Variants in MYOCD observed in about 807,000 individuals in gnomAD.
MYOCD encodes the protein myocardin.
MYOCD carries 32 observed loss-of-function variants against 96.1 expected under a neutral mutation model. That is an observed-to-expected ratio of 0.33 (90% CI 0.25 to 0.45). The LOEUF (loss-of-function observed/expected upper bound fraction) is 0.45, where lower values mean the gene tolerates loss of function less well. Among genes scored for constraint, MYOCD ranks in the 20% least tolerant of loss-of-function variants. The pLI is 1.00. For synonymous variants in MYOCD, 469 were observed against 469.0 expected (o/e 1.00, Z 0.00); for missense variants, 1,133 against 1,200.6 (o/e 0.94, Z 0.83).
At chr17:12,679,566 A>T (rs899133082) in intron 1 of MYOCD, among the ~76,000 whole-genome samples, 7 of 152,220 alleles carry the variant, frequency 4.6e-5, no homozygotes, top group African/African-American at 1.7e-4. Flanking sequence ...ATATATGTAT[A>T]TGCATATGTT....
intron 2 of MYOCD, chr17:12,705,880 T>C (rs1035125416): frequency 3.9e-5 from 6 of 152,226 alleles, no homozygotes; most frequent in African/African-American, 1.4e-4. Context: ...AGATCTATAA[T>C]GACTTGTGCA....
intron 9 of MYOCD, among the ~76,000 whole-genome samples, chr17:12,749,534 T>TTACA (rs1555535095): frequency 2.7e-4 from 39 of 144,844 alleles, no homozygotes; most frequent in Non-Finnish European, 5.3e-4. Context: ...GTCTCAAAAC[T>TTACA]TATATATATA....
rs531908310 is a variant in MYOCD at position 12,765,790 on chromosome 17, G to A, written c.*2146G>A. 6.6e-6 allele frequency: 1 copy of A among 152,278 alleles called. No individual in the cohort carries two copies. Among genetic ancestry groups the A allele is most frequent in the South Asian group, 2.1e-4 (1 of 4,830 alleles). 9.4% of individuals were successfully genotyped at this position (152,278 alleles called of 1,614,324 possible). A position where few individuals can be genotyped will look rare whatever the true frequency, so the allele number is the denominator to read the frequency against. Reference sequence around the variant, plus strand: ...GCTTATCGTGAACAAGCTCATCTTGGCAATGAATATGGATGTGAAAAGACA... The same window carrying A: ...GCTTATCGTGAACAAGCTCATCTTGACAATGAATATGGATGTGAAAAGACA... On this transcript the variant is annotated 3_prime_UTR_variant, in exon 14 of 14. Transcript: ENST00000425538.
chr17:12,752,381 A>G, intron 9 of MYOCD, 33 bp from the exon 10 acceptor site: 1 of 1,543,890 alleles, frequency 6.5e-7, no homozygotes, highest in Non-Finnish European at 8.8e-7. Flanking sequence ...ATTGTCGTTA[A>G]ACAGCACACT....
intron 9 of MYOCD, among the ~76,000 whole-genome samples, chr17:12,750,715 G>A (rs555889345): frequency 3.3e-5 from 5 of 149,794 alleles, no homozygotes; most frequent in South Asian, 2.2e-4. Flanking sequence ...AATTTTTGCC[G>A]CTACTTAACT....
Position 12,763,325 on chromosome 17 carries a change from C to G in MYOCD, c.2642C>G (p.Pro881Arg), listed in dbSNP as rs867649442. Reference sequence around the variant, plus strand: ...CTTCTAAAAATTGGGAGCGAAGAGCCTCACTTTGATGGGATAATGGATGGA... The same window carrying G: ...CTTCTAAAAATTGGGAGCGAAGAGCGTCACTTTGATGGGATAATGGATGGA... ...VTLLKIGSEE[P>R]HFDGIMDGFS... Residue 881 changes from proline (P) to arginine (R), a missense_variant, in exon 14 of 14, where the codon CCT becomes CGT. Pro to Arg is a moderately radical substitution (Grantham distance 103). Transcript: ENST00000425538. 1.9e-6 allele frequency: 3 copies of G among 1,607,852 alleles called. No individual in the cohort carries two copies. In the African/African-American group the frequency reaches 4.0e-5, roughly 22 times the overall value.
intron 1 of MYOCD, among the ~76,000 whole-genome samples, chr17:12,695,685 A>C (rs56875752): frequency 0.14 from 21,024 of 152,016 alleles, 1,580 homozygotes; most frequent in Admixed American, 0.19. Context: ...TATTTTTTGA[A>C]TTTTAATTTT....
At chr17:12,703,530 A>T (rs2031168556) in intron 1 of MYOCD, among the ~76,000 whole-genome samples, 1 of 152,014 alleles carries the variant, frequency 6.6e-6, no homozygotes, top group African/African-American at 2.4e-5. Context: ...TAATTACGAA[A>T]TTTCCATTCT....
At position 12,718,134 on chromosome 17, in the gene MYOCD, G is replaced by T. The variant is rs138329736; in HGVS notation, c.253+713G>T. Among the ~76,000 whole-genome samples, 47 of 152,308 alleles carry T rather than the reference G, an allele frequency of 3.1e-4. No individual in the cohort carries two copies. The East Asian group carries it at 8.5e-3, about 27-fold the overall frequency. ...TGAACACACACTGTATTGGGTGTCT[G>T]CTAGGAGTTGGCTGCTCTGCCAGGC... On this transcript the variant is annotated intron_variant, in intron 4 of 13. Coordinates refer to ENST00000425538, the MANE Select transcript of MYOCD (RefSeq NM_001146312.3).
intron 7 of MYOCD, among the ~76,000 whole-genome samples, chr17:12,739,812 A>G (rs910135752): frequency 2.0e-5 from 3 of 152,228 alleles, no homozygotes; most frequent in African/African-American, 7.2e-5. Flanking sequence ...GAATCATTAT[A>G]GCAAATGTTT....
chr17:12,749,418 A>G (rs932348609), intron 9 of MYOCD, among the ~76,000 whole-genome samples: 12 of 151,700 alleles, frequency 7.9e-5, no homozygotes, highest in Admixed American at 3.3e-4. Flanking sequence ...AATCTCAGCT[A>G]CTCAGGAGGC....
At chr17:12,716,220 G>C (rs1200548961) in intron 3 of MYOCD, among the ~76,000 whole-genome samples, 1 of 152,172 alleles carries the variant, frequency 6.6e-6, no homozygotes, top group Non-Finnish European at 1.5e-5. Context: ...TACTAGCCTT[G>C]CAGCTTGTCT....
intron 1 of MYOCD, among the ~76,000 whole-genome samples, chr17:12,703,426 CTATT>C (rs751971612): frequency 2.0e-5 from 3 of 151,744 alleles, no homozygotes; most frequent in Non-Finnish European, 4.4e-5. Context: ...TTGAAACTGT[CTATT>C]TATTCCTTTA....
chr17:12,725,072 G>T (rs560104086), intron 5 of MYOCD, among the ~76,000 whole-genome samples: 1 of 151,878 alleles, frequency 6.6e-6, no homozygotes, highest in East Asian at 1.9e-4. Flanking sequence ...TTGTTTTTAA[G>T]TAAAGTCACA....
chr17:12,731,563 G>A (rs528688806), intron 5 of MYOCD, among the ~76,000 whole-genome samples: 2 of 152,228 alleles, frequency 1.3e-5, no homozygotes, highest in East Asian at 3.9e-4. Flanking sequence ...TCACTTACAC[G>A]TCAGGAACTG....
chr17:12,713,999 AT>A (rs770426896), intron 2 of MYOCD, among the ~76,000 whole-genome samples: 4 of 151,392 alleles, frequency 2.6e-5, no homozygotes, highest in Non-Finnish European at 4.4e-5. Context: ...AAGCATGTTC[AT>A]TTTTTTTTCT....
chr17:12,687,566 C>T (rs893387609), intron 1 of MYOCD, among the ~76,000 whole-genome samples: 1 of 151,828 alleles, frequency 6.6e-6, no homozygotes, highest in Non-Finnish European at 1.5e-5. Context: ...TTCTTCTTTC[C>T]CCAAATGATA....
chr17:12,714,720 C>CA (rs1431146126), intron 2 of MYOCD, among the ~76,000 whole-genome samples: 7 of 152,118 alleles, frequency 4.6e-5, no homozygotes, highest in African/African-American at 7.2e-5. Context: ...AGGAGGAGGT[C>CA]ATGGGAAGAG....
At chr17:12,732,312 A>T (rs1256411432) in intron 5 of MYOCD, among the ~76,000 whole-genome samples, 1 of 152,094 alleles carries the variant, frequency 6.6e-6, no homozygotes, top group Non-Finnish European at 1.5e-5. Flanking sequence ...AAGCATGCTA[A>T]TGGCCACTCT....
Sources: gnomAD v4.1 joint callset for allele counts (sites outside exome capture counted in the v4.1 genomes callset) on GRCh38, gnomAD v4.1.1 for gene constraint, MANE v1.5 for transcripts, NCBI Gene and HGNC (gene_info 2026-07-23, HGNC 2026-07-21) for gene names.